Variants in PXDN observed in about 807,000 individuals in gnomAD.
PXDN encodes peroxidasin.
PXDN carries 77 observed loss-of-function variants against 140.3 expected under a neutral mutation model. The ratio of observed to expected loss-of-function variants is 0.55; its 90% CI spans 0.46 to 0.66. The LOEUF is 0.66. PXDN is among the 30% of genes least tolerant of loss of function. PXDN has a pLI of 0.00. For synonymous variants in PXDN, 911 were observed against 857.4 expected (o/e 1.06, Z -1.09); for missense variants, 1,838 against 2,039.5 (o/e 0.90, Z 1.90).
intron 1 of PXDN, among the ~76,000 whole-genome samples, chr2:1,742,942 T>C (rs1685581319): frequency 1.3e-5 from 2 of 152,260 alleles, no homozygotes; most frequent in Non-Finnish European, 2.9e-5. Context: ...AATTGTTCAC[T>C]CAATTTTTTT....
intron 21 of PXDN, among the ~76,000 whole-genome samples, chr2:1,637,552 C>CAA (rs1438946757): frequency 2.0e-5 from 3 of 150,588 alleles, no homozygotes; most frequent in Non-Finnish European, 4.4e-5. Flanking sequence ...GCACGCTGTC[C>CAA]ACTCTGACAG....
At position 1,660,352 on chromosome 2, in the gene PXDN, A is replaced by T. The variant is rs1683274871; in HGVS notation, c.1837+529T>A. Among the ~76,000 whole-genome samples, 1 of 152,130 alleles carries T rather than the reference A, an allele frequency of 6.6e-6. No homozygotes were observed. Among genetic ancestry groups the T allele is most frequent in the Non-Finnish European group, 1.5e-5 (1 of 68,002 alleles). ...GGCGGACCAGGATGCAAACAGACAG[A>T]TGCAGGCATGGAGTCAGGACGGCTC... On this transcript the variant is annotated intron_variant, in intron 14 of 22. Transcript: ENST00000252804. The surrounding 1 kb of genome is among the most constrained non-coding windows in gnomAD (Gnocchi z 4.6).
chr2:1,658,771 T>C, intron 14 of PXDN, among the ~76,000 whole-genome samples: 1 of 95,624 alleles, frequency 1.0e-5, no homozygotes. Flanking sequence ...GGCATCGGGC[T>C]CATTCTGACC....
chr2:1,663,761 T>C lies in PXDN; in HGVS notation c.1411A>G (p.Ser471Gly), dbSNP rs1683365094. The C allele has an allele frequency of 6.2e-7, 1 of 1,612,202 alleles. No homozygotes were observed. Among genetic ancestry groups the C allele is most frequent in the Non-Finnish European group, 8.5e-7 (1 of 1,179,822 alleles). The change falls in exon 12 of 23, where the codon AGC becomes GGC. Residue 471 changes from serine (S) to glycine (G), a missense_variant and splice_region_variant. Transcript: ENST00000252804. ...PPVIAWTKGG[S>G]QLSVDRRHLV... ...TGCCGCCGGTCCACGGAGAGCTGGC[T>C]CCCTGCAAGGGCATGGGCCCGTTAC... is the stretch of plus-strand genomic sequence containing the variant.
At chr2:1,743,980 G>A (rs1231711830) in intron 1 of PXDN, among the ~76,000 whole-genome samples, 2 of 152,094 alleles carry the variant, frequency 1.3e-5, no homozygotes, top group Non-Finnish European at 2.9e-5. Flanking sequence ...GGGATTCCGA[G>A]TTCCGAACAA....
chr2:1,744,641 GC>G, upstream of PXDN: 2 of 497,910 alleles, frequency 4.0e-6, no homozygotes, highest in Non-Finnish European at 6.0e-6. Context: ...AGAACCCGGG[GC>G]CCCAGCGTCC....
chr2:1,638,708 C>G, intron 21 of PXDN, 138 bp downstream of exon 21: 1 of 1,357,800 alleles, frequency 7.4e-7, no homozygotes. Flanking sequence ...ATGACACCCC[C>G]AAGGCTCCAG....
At chr2:1,744,212 G>A in intron 1 of PXDN, 44 bp downstream of exon 1, 2 of 1,320,056 alleles carry the variant, frequency 1.5e-6, no homozygotes, top group Non-Finnish European at 2.0e-6. Flanking sequence ...GGATCTCCAC[G>A]AAGCCCCGGA....
intron 1 of PXDN, among the ~76,000 whole-genome samples, chr2:1,729,382 G>A (rs1349113999): frequency 6.6e-6 from 1 of 152,028 alleles, no homozygotes; most frequent in East Asian, 1.9e-4. Context: ...GCTCCCCAAC[G>A]AAGGTGCATT....
chr2:1,688,605 C>T (rs188410620), intron 3 of PXDN, among the ~76,000 whole-genome samples: 9 of 152,278 alleles, frequency 5.9e-5, no homozygotes, highest in Admixed American at 3.9e-4. Flanking sequence ...GCTTGGGGGA[C>T]CCCAAGAAGG....
chr2:1,645,705 A>G (rs2125408430), intron 17 of PXDN, among the ~76,000 whole-genome samples: 1 of 152,336 alleles, frequency 6.6e-6, no homozygotes, highest in African/African-American at 2.4e-5. Context: ...TAGCTCTAAG[A>G]TGTCCCCTGG....
intron 1 of PXDN, among the ~76,000 whole-genome samples, chr2:1,729,564 T>TGGGGGGGGGGGGGGGG (rs987021871): frequency 7.6e-6 from 1 of 131,344 alleles, no homozygotes. Context: ...TACAGCAGGG[T>TGGGGGGGGGGGGGGGG]GGGGGAGGGG....
chr2:1,730,555 G>A (rs1415039456), intron 1 of PXDN, among the ~76,000 whole-genome samples: 1 of 152,200 alleles, frequency 6.6e-6, no homozygotes, highest in African/African-American at 2.4e-5. Context: ...CCGCAGTCAG[G>A]CTCAGGGTAT....
chr2:1,665,989 A>T (rs1572141494), intron 10 of PXDN, among the ~76,000 whole-genome samples: 1 of 152,248 alleles, frequency 6.6e-6, no homozygotes, highest in African/African-American at 2.4e-5. Context: ...CAGAGACACG[A>T]CAGCCAGCAC....
chr2:1,707,821 C>T (rs1265048889), intron 1 of PXDN, among the ~76,000 whole-genome samples: 3 of 151,948 alleles, frequency 2.0e-5, no homozygotes, highest in Admixed American at 6.5e-5. Flanking sequence ...AGCAGCATGC[C>T]GGTGACTGTC....
rs1183858344 is a variant in PXDN, at chr2:1,685,763, A to C, written c.417-1612T>G. ...CAGGTGCTACGGGAAATGACGGCCC[A>C]GGGTGCACAGGATCTTAGAGAGGCT... On this transcript the variant is annotated intron_variant, in intron 4 of 22. Transcript: ENST00000252804. This position sits in a 1 kb window ranked among gnomAD's most constrained non-coding sequence, Gnocchi z 5.1. Among the ~76,000 whole-genome samples, 2 of 151,910 alleles carry C rather than the reference A, an allele frequency of 1.3e-5. No homozygotes were observed. Among genetic ancestry groups the C allele is most frequent in the African/African-American group, 4.8e-5 (2 of 41,338 alleles).
At chr2:1,655,827 CCACA>C (rs201995861) in intron 14 of PXDN, among the ~76,000 whole-genome samples, 5 of 151,416 alleles carry the variant, frequency 3.3e-5, no homozygotes, top group Non-Finnish European at 7.4e-5. Context: ...GACGCACACA[CCACA>C]CACACACAGA....
chr2:1,737,047 C>T (rs1353125884), intron 1 of PXDN, among the ~76,000 whole-genome samples: 3 of 152,182 alleles, frequency 2.0e-5, no homozygotes, highest in Non-Finnish European at 4.4e-5. Context: ...GCCTGCTTTC[C>T]CGTAAACACC....
At chr2:1,725,442 A>G (rs1270897727) in intron 1 of PXDN, among the ~76,000 whole-genome samples, 2 of 152,038 alleles carry the variant, frequency 1.3e-5, no homozygotes, top group East Asian at 3.9e-4. Context: ...TGGATTAAAG[A>G]CTTAAACGTT....
Sources: gnomAD v4.1 joint callset for allele counts (sites outside exome capture counted in the v4.1 genomes callset) on GRCh38, gnomAD v4.1.1 for gene constraint, Gnocchi (gnomAD v3.1) non-coding constraint, MANE v1.5 for transcripts, NCBI Gene and HGNC (gene_info 2026-07-23, HGNC 2026-07-21) for gene names.